ZNF565: variants seen among roughly 807,000 people sequenced by gnomAD.
ZNF565 encodes the protein zinc finger protein 565.
A neutral mutation model predicts 39.4 loss-of-function variants in ZNF565; 27 were observed. The observed-to-expected ratio is 0.69, with a 90% CI of 0.51 to 0.95. The LOEUF (loss-of-function observed/expected upper bound fraction) is 0.95, where lower values mean the gene tolerates loss of function less well. Among genes scored for constraint, ZNF565 ranks in the 40% least tolerant of loss-of-function variants. ZNF565 has a pLI of 0.00. For missense variants in ZNF565, 524 were observed against 621.1 expected (o/e 0.84, Z 1.66); for synonymous variants, 185 against 216.6 (o/e 0.85, Z 1.28).
Position 36,182,813 on chromosome 19 carries a change from G to A in ZNF565, c.1153C>T (p.His385Tyr). The change falls in exon 5 of 5, where the codon CAT (histidine) becomes TAT (tyrosine). Residue 385 changes from histidine (H) to tyrosine (Y), a missense_variant. By Grantham distance (83) the His-to-Tyr change is moderately conservative (BLOSUM62 2). Transcript: ENST00000304116. Reference sequence around the variant, plus strand: ...CATTCATAGGGTCTGTCGCCAGTATGGACTCTCTGATGTCGTGTGAGCTGT... The same window carrying A: ...CATTCATAGGGTCTGTCGCCAGTATAGACTCTCTGATGTCGTGTGAGCTGT... Reference protein sequence around the residue: ...HAQLTRHQRVHTGDRPYECKD... With the variant: ...HAQLTRHQRVYTGDRPYECKD... The A allele has an allele frequency of 6.2e-7, 1 of 1,614,106 alleles. No homozygotes were observed. Among genetic ancestry groups the A allele is most frequent in the South Asian group, 1.1e-5 (1 of 91,080 alleles).
intron 2 of ZNF565, 116 bp downstream of exon 2, chr19:36,201,861 C>T (rs1033752295): frequency 2.8e-5 from 35 of 1,267,994 alleles, no homozygotes; most frequent in African/African-American, 4.4e-5. Flanking sequence ...TACTCATCTC[C>T]TGGAATGGAC....
rs1020311369 is a variant in ZNF565 at position 36,185,120 on chromosome 19, A to G, written c.233-1387T>C. 3.7e-5 allele frequency among the ~76,000 whole-genome samples: 5 copies of G among 136,564 alleles called. No individual in the cohort carries two copies. In the East Asian group the frequency reaches 8.0e-4, roughly 22 times the overall value. 89.6% of individuals were successfully genotyped at this position (136,564 alleles called of 152,430 possible). ...AAGACAGAGTGAGAGTCCATCTCAG[A>G]AAAAAAAAAAAGGGCTGGGTGCAGT... On this transcript the variant is annotated intron_variant, in intron 4 of 4. Coordinates refer to ENST00000304116, the MANE Select transcript of ZNF565 (RefSeq NM_152477.5).
At chr19:36,184,686 T>C (rs1338036659) in intron 4 of ZNF565, among the ~76,000 whole-genome samples, 1 of 152,216 alleles carries the variant, frequency 6.6e-6, no homozygotes, top group Non-Finnish European at 1.5e-5. Flanking sequence ...TCTGTCTCTA[T>C]AAATTTGCCT....
intron 3 of ZNF565, 58 bp downstream of exon 3, chr19:36,194,972 T>C (rs1256804422): frequency 1.2e-6 from 2 of 1,612,642 alleles, no homozygotes; most frequent in Non-Finnish European, 1.7e-6. Flanking sequence ...CTGCACCCCA[T>C]GGTTGTAGTC....
intron 1 of ZNF565, among the ~76,000 whole-genome samples, chr19:36,223,113 T>C (rs1976923529): frequency 6.6e-6 from 1 of 151,912 alleles, no homozygotes; most frequent in Non-Finnish European, 1.5e-5. Flanking sequence ...GCTATGGTTT[T>C]CTTTTTATTT....
chr19:36,225,613 G>C (rs1229656490), intron 1 of ZNF565, among the ~76,000 whole-genome samples: 1 of 150,864 alleles, frequency 6.6e-6, no homozygotes, highest in East Asian at 1.9e-4. Flanking sequence ...ACCATACCTG[G>C]CTAGTTTTTT....
chr19:36,243,730 T>A (rs542784976), intron 1 of ZNF565, among the ~76,000 whole-genome samples: 357 of 151,782 alleles, frequency 2.4e-3, no homozygotes, highest in Non-Finnish European at 3.9e-3. Context: ...GACAGGGTCT[T>A]GCTATGTCAC....
chr19:36,199,473 A>G (rs1035328402), intron 2 of ZNF565, among the ~76,000 whole-genome samples: 1 of 150,550 alleles, frequency 6.6e-6, no homozygotes, highest in African/African-American at 2.4e-5. Context: ...TGGGTAAAAC[A>G]TAACACCCTT....
At chr19:36,233,050 T>C (rs1977457727) in intron 1 of ZNF565, among the ~76,000 whole-genome samples, 1 of 152,198 alleles carries the variant, frequency 6.6e-6, no homozygotes, top group Admixed American at 6.5e-5. Flanking sequence ...CATCATGATG[T>C]TTTACTTCTA....
intron 1 of ZNF565, among the ~76,000 whole-genome samples, chr19:36,209,580 G>C (rs965857228): frequency 1.3e-5 from 2 of 152,152 alleles, no homozygotes; most frequent in African/African-American, 4.8e-5. Flanking sequence ...TGATGACTCA[G>C]TAAATCCTTT....
chr19:36,213,864 C>A (rs555794221), intron 1 of ZNF565, among the ~76,000 whole-genome samples: 23 of 152,000 alleles, frequency 1.5e-4, no homozygotes, highest in Non-Finnish European at 2.8e-4. Flanking sequence ...GTCACAATAT[C>A]TTTCCAGTCA....
At chr19:36,222,451 A>G (rs573788474) in intron 1 of ZNF565, among the ~76,000 whole-genome samples, 1 of 152,194 alleles carries the variant, frequency 6.6e-6, no homozygotes, top group African/African-American at 2.4e-5. Flanking sequence ...GACTGCTATT[A>G]ATACAAATGG....
chr19:36,230,975 A>G (rs1243064744), intron 1 of ZNF565, among the ~76,000 whole-genome samples: 1 of 151,870 alleles, frequency 6.6e-6, no homozygotes, highest in Non-Finnish European at 1.5e-5. Context: ...TAATTTTTGT[A>G]TTTTTAGTAG....
upstream of ZNF565, among the ~76,000 whole-genome samples, chr19:36,219,376 G>A (rs1354795043): frequency 6.6e-6 from 1 of 152,054 alleles, no homozygotes; most frequent in Non-Finnish European, 1.5e-5. Context: ...TGTTGCCCAG[G>A]CTGGAAGTTA....
rs1453724578 is a variant in ZNF565 at position 36,245,625 on chromosome 19, C to A, written c.-95G>T. 1 of 698,730 alleles carries A rather than the reference C, an allele frequency of 1.4e-6. No homozygotes were observed. Among genetic ancestry groups the A allele is most frequent in the African/African-American group, 1.7e-5 (1 of 57,314 alleles). The allele number at this position is 698,730 out of a possible 1,614,324, so 43.3% of individuals were successfully genotyped here. On this transcript the variant is annotated 5_prime_UTR_variant, in exon 1 of 5. Coordinates refer to the ZNF565 transcript ENST00000355114. This position sits in a 1 kb window ranked among gnomAD's most constrained non-coding sequence, Gnocchi z 4.4. ...CAGCCTCCCAGCTTCGAGGCTACCA[C>A]CTGCCCGAATTGGTGCTTTGGCAGA... is the stretch of plus-strand genomic sequence containing the variant.
At chr19:36,210,342 T>G (rs1404606732) in intron 1 of ZNF565, among the ~76,000 whole-genome samples, 1 of 146,226 alleles carries the variant, frequency 6.8e-6, no homozygotes, top group Non-Finnish European at 1.5e-5. Context: ...GAGAATTGCT[T>G]GAACCTGGGA....
intron 4 of ZNF565, among the ~76,000 whole-genome samples, chr19:36,187,676 C>T (rs550656948): frequency 2.7e-5 from 4 of 150,690 alleles, no homozygotes; most frequent in South Asian, 2.1e-4. Context: ...CTTGCTCTGT[C>T]GCCTAGGCTG....
At chr19:36,210,419 C>CAAAA (rs35345882) in intron 1 of ZNF565, among the ~76,000 whole-genome samples, 5 of 67,022 alleles carry the variant, frequency 7.5e-5, no homozygotes, top group African/African-American at 1.2e-4. Context: ...AATTCTGTCT[C>CAAAA]AAAAAAAAAA....
intron 4 of ZNF565, among the ~76,000 whole-genome samples, chr19:36,190,176 AATAC>A (rs1221432692): frequency 6.6e-6 from 1 of 152,190 alleles, no homozygotes; most frequent in African/African-American, 2.4e-5. Flanking sequence ...TGCTAAAAAA[AATAC>A]ATACAGAATG....
Sources: gnomAD v4.1 joint callset for allele counts (sites outside exome capture counted in the v4.1 genomes callset) on GRCh38, gnomAD v4.1.1 for gene constraint, Gnocchi (gnomAD v3.1) non-coding constraint, MANE v1.5 for transcripts, NCBI Gene and HGNC (gene_info 2026-07-23, HGNC 2026-07-21) for gene names.